Variants in C1orf167 observed in about 807,000 individuals in gnomAD.
The protein encoded by C1orf167 is uncharacterized protein C1orf167.
Under a neutral mutation model 176.5 loss-of-function variants are expected in C1orf167, and 153 were observed. The ratio of observed to expected loss-of-function variants is 0.87; its 90% CI spans 0.76 to 0.99. The LOEUF (loss-of-function observed/expected upper bound fraction) is 0.99, where lower values mean the gene tolerates loss of function less well. Ranked by LOEUF, C1orf167 falls within the 50% of genes least tolerant of loss-of-function variation. C1orf167 has a pLI of 0.00. For missense variants in C1orf167, 1,490 were observed against 1,817.7 expected, an observed-to-expected ratio of 0.82 and a Z score of 3.28; for synonymous variants, 594 against 752.7, an observed-to-expected ratio of 0.79 and a Z score of 3.45.
chr1:11,776,420 G>A (rs1643318480), intron 9 of C1orf167, 44 bp from the exon 10 acceptor site: 1 of 1,281,624 alleles, frequency 7.8e-7, no homozygotes, highest in Admixed American at 2.5e-5. Context: ...GGCAGAGTGA[G>A]GTCAGTGGGG....
chr1:11,779,131 G>C lies in C1orf167; in HGVS notation c.2651+51G>C, dbSNP rs1437321890. ...CCACTCTATGGACTTACTGTTTCCC[G>C]GCCCCTTCTCCCTTCCACCCTTGGC... is the stretch of plus-strand genomic sequence containing the variant. On this transcript the variant is annotated intron_variant, in intron 12 of 20. Coordinates refer to ENST00000688073, the MANE Select transcript of C1orf167 (RefSeq NM_001010881.2). 9.1e-6 allele frequency: 11 copies of C among 1,206,018 alleles called. No individual in the cohort carries two copies. In the Middle Eastern group the frequency reaches 1.4e-3, roughly 152 times the overall value. The allele number at this position is 1,206,018 out of a possible 1,614,324, so 74.7% of individuals were successfully genotyped here.
intron 14 of C1orf167, 98 bp downstream of exon 14, chr1:11,782,431 T>G: frequency 1.8e-6 from 2 of 1,100,180 alleles, no homozygotes; most frequent in African/African-American, 1.7e-5. Context: ...GTGGCCCAGA[T>G]AGGAGGCCTG....
chr1:11,785,145 C>T lies in C1orf167; in HGVS notation c.3426-3C>T. 7.8e-7 allele frequency: 1 copy of T among 1,285,142 alleles called. No homozygotes were observed. The highest frequency in any genetic ancestry group is 1.0e-6 in the Non-Finnish European group (1 of 984,090). The allele number at this position is 1,285,142 out of a possible 1,614,324, so 79.6% of individuals were successfully genotyped here. On this transcript the variant is annotated splice_region_variant and splice_polypyrimidine_tract_variant and intron_variant, in intron 15 of 20. Transcript: ENST00000688073. ...TGGCTGCAGACTCCTTCCTCTCCCG[C>T]AGGGTCCTAGAGGCCTCGGTGCAGT...
chr1:11,785,398 G>A (rs552567591), intron 16 of C1orf167, 109 bp downstream of exon 16: 210 of 1,125,070 alleles, frequency 1.9e-4, no homozygotes, highest in Middle Eastern at 6.8e-4. Context: ...GGGAGCCTAG[G>A]CAGGGCGGGA....
intron 16 of C1orf167, 137 bp downstream of exon 16, chr1:11,785,426 C>A: frequency 1.0e-6 from 1 of 980,064 alleles, no homozygotes; most frequent in East Asian, 6.6e-5. Flanking sequence ...AAATGACCCT[C>A]GGACCACCGG....
chr1:11,771,550 T>C lies in C1orf167; in HGVS notation c.1724T>C (p.Ile575Thr), dbSNP rs1176555098. Residue 575 changes from isoleucine to threonine, a missense_variant, in exon 7 of 21, where the codon ATT becomes ACT. Coordinates refer to ENST00000688073, the MANE Select transcript of C1orf167 (RefSeq NM_001010881.2). ...CCAGGAAGTCTGAGGGAGGAGGAGA[T>C]TGCTCAGCGGCTTCTGTCACATCCT... ...TSPGSLREEE[I>T]AQRLLSHPRQ... The C allele has an allele frequency of 1.6e-6, 2 of 1,289,652 alleles. No homozygotes were observed. The highest frequency in any genetic ancestry group is 4.6e-5 in the Admixed American group (2 of 43,550). The allele number at this position is 1,289,652 out of a possible 1,614,324, so 79.9% of individuals were successfully genotyped here.
In C1orf167 at chr1:11,785,263, C is replaced by T. The variant is rs112976388; in HGVS notation, c.3541C>T (p.Arg1181Trp). 4.0e-5 allele frequency: 51 copies of T among 1,287,902 alleles called. No homozygotes were observed. The highest frequency in any genetic ancestry group is 1.2e-4 in the African/African-American group (8 of 65,932). 79.8% of individuals were successfully genotyped at this position (1,287,902 alleles called of 1,614,324 possible). ...RFLRTVQLRV[R>W]LGLPGAGKTR... is the part of the protein sequence containing the mutation. ...CCTGCGGACAGTGCAGCTCAGGGTG[C>T]GGCTGGGACTGCCAGGGGCCGGCAA... The change falls in exon 16 of 21, where the codon CGG becomes TGG. Residue 1181 changes from arginine (R) to tryptophan (W), a missense_variant. Transcript: ENST00000688073.
chr1:11,788,823 C>G lies in C1orf167; in HGVS notation c.4173+77C>G, dbSNP rs887720880. 5 of 1,217,970 alleles carry G rather than the reference C, an allele frequency of 4.1e-6. No homozygotes were observed. The East Asian group carries it at 1.7e-4, about 42-fold the overall frequency. 75.4% of individuals were successfully genotyped at this position (1,217,970 alleles called of 1,614,324 possible). A position where few individuals can be genotyped will look rare whatever the true frequency, so the allele number is the denominator to read the frequency against. On this transcript the variant is annotated intron_variant, in intron 20 of 20. Coordinates refer to ENST00000688073, the MANE Select transcript of C1orf167 (RefSeq NM_001010881.2). ...CTTCCAGAAGTCTGTGCCACAGCCA[C>G]GCACCGTGGAGCTTTCCCTGCTTGC...
chr1:11,771,880 TGA>T (rs1643095510), intron 7 of C1orf167, among the ~76,000 whole-genome samples, 200 bp from the exon 8 acceptor site: 1 of 152,026 alleles, frequency 6.6e-6, no homozygotes, highest in Non-Finnish European at 1.5e-5. Context: ...ACACACAGCA[TGA>T]GAGGAGCACG....
At chr1:11,770,026 C>T (rs557550180) in intron 6 of C1orf167, among the ~76,000 whole-genome samples, 1 of 152,024 alleles carries the variant, frequency 6.6e-6, no homozygotes, top group South Asian at 2.1e-4. Context: ...GAAAAATATT[C>T]CAAATAGTTG....
Position 11,788,726 on chromosome 1 carries a change from G to T in C1orf167, c.4153G>T (p.Val1385Phe). The change falls in exon 20 of 21, where the codon GTT becomes TTT. Residue 1385 changes from valine (V) to phenylalanine (F), a missense_variant. Physicochemically the swap from Val to Phe is conservative, Grantham distance 50. Coordinates refer to ENST00000688073, the MANE Select transcript of C1orf167 (RefSeq NM_001010881.2). ...TCCTGCGACTGCGAGTGGCTCAGCA[G>T]TTACAGCAGCAGGAAGATGGGTGGG... ...ADPATASGSA[V>F]TAAGRWAFKK... The T allele has an allele frequency of 7.7e-7, 1 of 1,304,236 alleles. No homozygotes were observed. 80.8% of individuals were successfully genotyped at this position (1,304,236 alleles called of 1,614,324 possible).
intron 16 of C1orf167, chr1:11,785,613 C>A: frequency 5.5e-6 from 1 of 182,426 alleles, no homozygotes; most frequent in Non-Finnish European, 1.2e-5. Flanking sequence ...CACTGCAGGT[C>A]CGGCCGCAAA....
In C1orf167 at chr1:11,788,011, G is replaced by C. The variant is rs1537514; in HGVS notation, c.3812G>C (p.Cys1271Ser). The change falls in exon 18 of 21, where the codon TGC becomes TCC. Residue 1271 changes from cysteine to serine, a missense_variant. By Grantham distance (112) the Cys-to-Ser change is moderately radical. Coordinates refer to ENST00000688073, the MANE Select transcript of C1orf167 (RefSeq NM_001010881.2). ...CACTCCAGCCCTGAGCCCAGAGCCT[G>C]CAAAGCCCAAAGCAAGGCCCATAAA... Reference protein sequence around the residue: ...RAHSSPEPRACKAQSKAHKRR... With the variant: ...RAHSSPEPRASKAQSKAHKRR... 141,520 of 1,302,866 alleles carry C rather than the reference G, an allele frequency of 0.11. 8,183 individuals carry two copies. The highest frequency in any genetic ancestry group is 0.17 in the South Asian group (14,068 of 80,842). The allele number at this position is 1,302,866 out of a possible 1,614,324, so 80.7% of individuals were successfully genotyped here. A position where few individuals can be genotyped will look rare whatever the true frequency, so the allele number is the denominator to read the frequency against.
At chr1:11,765,324 T>C (rs1642737221) in intron 2 of C1orf167, among the ~76,000 whole-genome samples, 1 of 151,790 alleles carries the variant, frequency 6.6e-6, no homozygotes, top group African/African-American at 2.4e-5. Context: ...GCCTGTGGAG[T>C]GGGCTTGGGG....
chr1:11,778,921 C>G lies in C1orf167; in HGVS notation c.2497-5C>G. On this transcript the variant is annotated splice_polypyrimidine_tract_variant and splice_region_variant and intron_variant, in intron 11 of 20. Coordinates refer to ENST00000688073, the MANE Select transcript of C1orf167 (RefSeq NM_001010881.2). The stretch of plus-strand genomic sequence containing the variant: ...GGACCAAGGACTCCACATCTCCTTC[C>G]CCAGGTTCCCAGGGCCCCCACCCTC... 7.7e-7 allele frequency: 1 copy of G among 1,302,530 alleles called. No individual in the cohort carries two copies. Among genetic ancestry groups the G allele is most frequent in the Non-Finnish European group, 1.0e-6 (1 of 987,854 alleles). The allele number at this position is 1,302,530 out of a possible 1,614,324, so 80.7% of individuals were successfully genotyped here.
chr1:11,770,419 G>A lies in C1orf167; in HGVS notation c.1698-1105G>A, dbSNP rs74656595. On this transcript the variant is annotated intron_variant, in intron 6 of 20. Transcript: ENST00000688073. ...AAATGGAAACTATGCTTATCTCTGG[G>A]ACAGTGGGATTAAAGTCGGTTATAT... Among the ~76,000 whole-genome samples the A allele has an allele frequency of 3.9e-3, 594 of 151,124 alleles. 4 individuals are homozygous for A. Among genetic ancestry groups the A allele is most frequent in the African/African-American group, 0.012 (508 of 41,298 alleles).
rs1414969667 is a variant in C1orf167, at chr1:11,779,949, C to T, written c.2799C>T (p.Ala933=). 3.8e-6 allele frequency: 5 copies of T among 1,299,542 alleles called. No individual in the cohort carries two copies. In the Admixed American group the frequency reaches 6.9e-5, roughly 18 times the overall value. 80.5% of individuals were successfully genotyped at this position (1,299,542 alleles called of 1,614,324 possible). The change falls in exon 13 of 21, where the codon GCC becomes GCT. Residue 933 remains alanine (A), a synonymous_variant. Coordinates refer to ENST00000688073, the MANE Select transcript of C1orf167 (RefSeq NM_001010881.2). ...LLQSRLVEWW[A]QERGWRLARD... ...AGTCACGGCTGGTGGAGTGGTGGGC[C>T]CAGGAGCGGGGCTGGCGGCTGGCAC...
At position 11,785,309 on chromosome 1, in the gene C1orf167, C is replaced by A; in HGVS notation, c.3567+20C>A. On this transcript the variant is annotated intron_variant, in intron 16 of 20. Coordinates refer to ENST00000688073, the MANE Select transcript of C1orf167 (RefSeq NM_001010881.2). ...GGCAAGGTACGCCCCAAGCCCCAGA[C>A]TGACCTCACGCTCTGGCCCCGGATG... is the stretch of plus-strand genomic sequence containing the variant. 1 of 1,268,494 alleles carries A rather than the reference C, an allele frequency of 7.9e-7. No individual in the cohort carries two copies. Among genetic ancestry groups the A allele is most frequent in the South Asian group, 1.3e-5 (1 of 79,882 alleles). 78.6% of individuals were successfully genotyped at this position (1,268,494 alleles called of 1,614,324 possible). A position where few individuals can be genotyped will look rare whatever the true frequency, so the allele number is the denominator to read the frequency against.
chr1:11,780,026 G>T lies in C1orf167; in HGVS notation c.2860+16G>T, dbSNP rs1643520722. The T allele has an allele frequency of 7.9e-7, 1 of 1,259,790 alleles. No individual in the cohort carries two copies. Among genetic ancestry groups the T allele is most frequent in the Non-Finnish European group, 1.0e-6 (1 of 961,330 alleles). The allele number at this position is 1,259,790 out of a possible 1,614,324, so 78.0% of individuals were successfully genotyped here. ...TGTTGGCAGGGTGAGTGGAGACTTG[G>T]TCGGGGGCACTGCGGGTGAGGGCAG... On this transcript the variant is annotated intron_variant, in intron 13 of 20. Coordinates refer to ENST00000688073, the MANE Select transcript of C1orf167 (RefSeq NM_001010881.2).
Sources: allele counts gnomAD v4.1 joint callset (sites outside exome capture counted in the v4.1 genomes callset), GRCh38; gene constraint gnomAD v4.1.1; transcripts MANE v1.5; gene names NCBI Gene and HGNC (gene_info 2026-07-23, HGNC 2026-07-21).